The following AK6 variants were observed in gnomAD, a reference collection of about 807,000 sequenced individuals.
AK6 encodes the protein adenylate kinase 6, also known as adenylate kinase isoenzyme 6.
Under a neutral mutation model 23.7 loss-of-function variants are expected in AK6, and 24 were observed. The ratio of observed to expected loss-of-function variants is 1.01; its 90% CI spans 0.73 to 1.43. AK6 has a LOEUF of 1.43. Ranked by LOEUF, AK6 falls within the 40% of genes most tolerant of loss-of-function variation. The probability of loss-of-function intolerance (pLI) is 0.00; values close to 1 mark genes in which losing one functional copy is unlikely to be tolerated. For missense variants in AK6, 191 were observed against 199.1 expected, an observed-to-expected ratio of 0.96 and a Z score of 0.24; for synonymous variants, 73 against 69.8, an observed-to-expected ratio of 1.05 and a Z score of -0.23.
At chr5:69,369,660 G>A (rs1461667564), upstream of AK6, 2 of 1,559,160 alleles carry the variant, frequency 1.3e-6, no homozygotes, top group Non-Finnish European at 1.7e-6. Context: ...TGGTTACCTG[G>A]CTTTCGATGA....
At chr5:69,362,577 C>T (rs1227654277) in intron 2 of AK6, among the ~76,000 whole-genome samples, 1 of 152,060 alleles carries the variant, frequency 6.6e-6, no homozygotes, top group African/African-American at 2.4e-5. Flanking sequence ...TCACTTGAGC[C>T]TGGGGAATTG....
At chr5:69,366,864 T>G (rs1316411269) in intron 1 of AK6, 1 of 382,286 alleles carries the variant, frequency 2.6e-6, no homozygotes. Flanking sequence ...GTTCAAGCGA[T>G]TCTCCTGCCT....
chr5:69,354,627 T>C (rs1271185395), intron 4 of AK6, among the ~76,000 whole-genome samples: 1 of 152,204 alleles, frequency 6.6e-6, no homozygotes, highest in Admixed American at 6.5e-5. Context: ...AATCTGATGC[T>C]CTATTTGTGG....
intron 2 of AK6, among the ~76,000 whole-genome samples, chr5:69,359,229 CAA>C (rs1030682215): frequency 7.0e-6 from 1 of 142,990 alleles, no homozygotes; most frequent in Non-Finnish European, 1.5e-5. Context: ...TACCTTGTCT[CAA>C]AAAAAAAAAA....
chr5:69,364,758 CTTTA>C (rs879508959), intron 2 of AK6: 6 of 681,612 alleles, frequency 8.8e-6, no homozygotes, highest in Non-Finnish European at 1.5e-5. Context: ...TGAATGACAA[CTTTA>C]TTTTTCTTAC....
intron 2 of AK6, among the ~76,000 whole-genome samples, chr5:69,356,410 C>CA (rs201276139): frequency 2.7e-5 from 1 of 36,936 alleles, no homozygotes; most frequent in Non-Finnish European, 1.4e-4. Flanking sequence ...AATCCCAGCC[C>CA]ATACGAGGTA....
chr5:69,365,200 T>C, intron 2 of AK6: 1 of 1,614,182 alleles, frequency 6.2e-7, no homozygotes, highest in South Asian at 1.1e-5. Context: ...GTGAGGGACA[T>C]GGGAGTCCCT....
rs1336781821 is a variant in AK6, at chr5:69,366,556, A to C, written c.68T>G (p.Leu23Arg). 1 of 1,614,102 alleles carries C rather than the reference A, an allele frequency of 6.2e-7. No individual in the cohort carries two copies. The highest frequency in any genetic ancestry group is 8.5e-7 in the Non-Finnish European group (1 of 1,180,022). ...GTATTTCAGTCCTGATTTTGACGCA[A>C]GTTCTTTGCCTAGTGTGGTTTTTCC... ...GVGKTTLGKE[L>R]ASKSGLKYIN... Residue 23 changes from leucine to arginine, a missense_variant, in exon 2 of 5, where the codon CTT (leucine) becomes CGT (arginine). Coordinates refer to ENST00000380822, the MANE Select transcript of AK6 (RefSeq NM_016283.5).
chr5:69,363,568 A>C lies in AK6; in HGVS notation c.121+2935T>G, dbSNP rs4252240. ...GGGAGGCCAAGGTGGGTGGATCACGAGGTCAGGAGATCGAGACCAACCTGG... is the reference window on the plus strand; with the variant it reads ...GGGAGGCCAAGGTGGGTGGATCACGCGGTCAGGAGATCGAGACCAACCTGG... On this transcript the variant is annotated intron_variant, in intron 2 of 4. Transcript: ENST00000380822. Among the ~76,000 whole-genome samples, 795 of 151,648 alleles carry C rather than the reference A, an allele frequency of 5.2e-3. 25 individuals are homozygous for C. The highest frequency in any genetic ancestry group is 0.037 in the Admixed American group (563 of 15,228).
intron 4 of AK6, among the ~76,000 whole-genome samples, chr5:69,354,428 G>C (rs1010384704): frequency 3.9e-5 from 6 of 152,164 alleles, no homozygotes; most frequent in Non-Finnish European, 8.8e-5. Context: ...ATAGTGGTTA[G>C]TCAGAGTTGA....
chr5:69,369,340 T>C (rs1262209102), intron 1 of AK6, 123 bp downstream of exon 1: 2 of 998,146 alleles, frequency 2.0e-6, no homozygotes, highest in East Asian at 4.1e-5. Context: ...GACAACCGCC[T>C]CGTGGCCCTC....
At chr5:69,368,147 G>T (rs748348065) in intron 1 of AK6, among the ~76,000 whole-genome samples, 1 of 152,082 alleles carries the variant, frequency 6.6e-6, no homozygotes, top group Non-Finnish European at 1.5e-5. Context: ...ATTTATGTTT[G>T]CATGTAAATG....
rs1762759921 is a variant in AK6 at position 69,369,476 on chromosome 5, G to C, written c.15C>G (p.Asn5Lys). 6.2e-7 allele frequency: 1 copy of C among 1,611,324 alleles called. No homozygotes were observed. Among genetic ancestry groups the C allele is most frequent in the African/African-American group, 1.3e-5 (1 of 74,874 alleles). Residue 5 changes from asparagine to lysine, a missense_variant, in exon 1 of 5, where the codon AAC becomes AAG. Asn to Lys is a moderately conservative substitution (Grantham distance 94, BLOSUM62 0). Transcript: ENST00000380822. ...GCGCGCCCTGACCGGTGAGCAGGAT[G>C]TTCGGAAGCAACATGGTCCCCGCCG... Reference protein sequence around the residue: MLLPNILLTGTPGVG... With the variant: MLLPKILLTGTPGVG...
chr5:69,366,651 G>T, intron 1 of AK6, 56 bp from the exon 2 acceptor site: 1 of 1,245,824 alleles, frequency 8.0e-7, no homozygotes, highest in Non-Finnish European at 1.2e-6. Flanking sequence ...ATCACACTGC[G>T]GTCCACCTTC....
intron 2 of AK6, among the ~76,000 whole-genome samples, chr5:69,363,821 CTCACACCTGTAA>C: frequency 6.6e-6 from 1 of 151,166 alleles, no homozygotes; most frequent in African/African-American, 2.4e-5. Context: ...GGTGAGGTAG[CTCACACCTGTAA>C]TCCCAGCACT....
rs1386984594 is a variant in AK6 at position 69,369,515 on chromosome 5, C to T, written c.-25G>A. On this transcript the variant is annotated 5_prime_UTR_variant, in exon 1 of 5. Transcript: ENST00000380822. ...TGGTCCCCGCCGCGACGGCTTCGGGCGCCTCGCTCACGTGCCCTTTGCTCT... is the reference window on the plus strand; with the variant it reads ...TGGTCCCCGCCGCGACGGCTTCGGGTGCCTCGCTCACGTGCCCTTTGCTCT... 7 of 1,611,008 alleles carry T rather than the reference C, an allele frequency of 4.3e-6. No individual in the cohort carries two copies. In the Admixed American group the frequency reaches 6.7e-5, roughly 15 times the overall value.
In AK6 at chr5:69,359,939, G is replaced by A. The variant is rs555894761; in HGVS notation, c.122-3986C>T. ...AGACAGCCAAAGATATGACATTGGA[G>A]TTGGGCCTCCAAGGAGTTGTAAGGA... is the stretch of plus-strand genomic sequence containing the variant. On this transcript the variant is annotated intron_variant, in intron 2 of 4. Transcript: ENST00000380822. Among the ~76,000 whole-genome samples the A allele has an allele frequency of 5.9e-5, 9 of 152,332 alleles. No homozygotes were observed. In the East Asian group the frequency reaches 1.5e-3, roughly 26 times the overall value.
chr5:69,363,405 T>G (rs1762294248), intron 2 of AK6, among the ~76,000 whole-genome samples: 1 of 152,262 alleles, frequency 6.6e-6, no homozygotes. Context: ...TGAATGAAAT[T>G]GACTATTATG....
At chr5:69,358,005 T>A (rs1467798243) in intron 2 of AK6, among the ~76,000 whole-genome samples, 1 of 152,138 alleles carries the variant, frequency 6.6e-6, no homozygotes, top group Non-Finnish European at 1.5e-5. Context: ...CATATACAAG[T>A]GTAAAACACA....
Sources: gnomAD v4.1 joint callset for allele counts (sites outside exome capture counted in the v4.1 genomes callset) on GRCh38, gnomAD v4.1.1 for gene constraint, MANE v1.5 for transcripts, NCBI Gene and HGNC (gene_info 2026-07-23, HGNC 2026-07-21) for gene names.